SH3RF3: variants seen among roughly 807,000 people sequenced by gnomAD.
SH3RF3 encodes the protein SH3 domain containing ring finger 3, also known as E3 ubiquitin-protein ligase SH3RF3.
SH3RF3 carries 29 observed loss-of-function variants against 66.3 expected under a neutral mutation model. That is an observed-to-expected ratio of 0.44 (90% CI 0.33 to 0.60). The LOEUF is 0.60. Among genes scored for constraint, SH3RF3 ranks in the 20% least tolerant of loss-of-function variants. SH3RF3 has a pLI of 0.04. For missense variants in SH3RF3, 1,194 were observed against 1,190.9 expected (o/e 1.00, Z -0.04); for synonymous variants, 583 against 532.0 (o/e 1.10, Z -1.32).
chr2:109,449,942 A>G (rs1165684684), intron 8 of SH3RF3, among the ~76,000 whole-genome samples: 3 of 152,192 alleles, frequency 2.0e-5, no homozygotes, highest in Non-Finnish European at 4.4e-5. Flanking sequence ...GTTCAACCAT[A>G]TGGGACAGGC....
intron 4 of SH3RF3, among the ~76,000 whole-genome samples, chr2:109,418,426 C>T (rs1009116365): frequency 2.1e-4 from 32 of 152,128 alleles, no homozygotes; most frequent in African/African-American, 7.2e-4. Flanking sequence ...TTGGTTCCTC[C>T]TGAGGCTGAG....
At chr2:109,453,432 C>A (rs538643009) in intron 8 of SH3RF3, among the ~76,000 whole-genome samples, 2 of 152,180 alleles carry the variant, frequency 1.3e-5, no homozygotes, top group Admixed American at 1.3e-4. Context: ...TGTGTCCATC[C>A]GTGACAGTTT....
chr2:109,233,565 ACTGTT>A (rs1679569791), intron 1 of SH3RF3, among the ~76,000 whole-genome samples: 1 of 152,100 alleles, frequency 6.6e-6, no homozygotes. Context: ...AACAGGGATA[ACTGTT>A]CTCATTTAGG....
intron 6 of SH3RF3, among the ~76,000 whole-genome samples, chr2:109,435,348 G>A (rs529657714): frequency 6.6e-6 from 1 of 152,292 alleles, no homozygotes; most frequent in East Asian, 1.9e-4. Context: ...ATCCCTACTG[G>A]GTTCAGGACA....
chr2:109,132,014 C>T (rs1453192752), intron 1 of SH3RF3, among the ~76,000 whole-genome samples: 1 of 152,154 alleles, frequency 6.6e-6, no homozygotes, highest in East Asian at 1.9e-4. Context: ...CATTGAGCAA[C>T]CCTATACAGT....
At chr2:109,247,758 G>C (rs1331647617) in intron 1 of SH3RF3, among the ~76,000 whole-genome samples, 1 of 152,174 alleles carries the variant, frequency 6.6e-6, no homozygotes, top group Non-Finnish European at 1.5e-5. Context: ...CCAAAACTTA[G>C]AGGCTTAAAA....
chr2:109,284,680 T>C (rs577365275), intron 1 of SH3RF3, among the ~76,000 whole-genome samples: 1 of 152,292 alleles, frequency 6.6e-6, no homozygotes, highest in East Asian at 1.9e-4. Context: ...TTTAGTGATT[T>C]TTTTGAGACC....
chr2:109,149,845 A>G (rs1053321589), intron 1 of SH3RF3, among the ~76,000 whole-genome samples: 76 of 152,350 alleles, frequency 5.0e-4, no homozygotes, highest in African/African-American at 1.8e-3. Context: ...AATTAAGATT[A>G]AAATACCAGG....
intron 1 of SH3RF3, among the ~76,000 whole-genome samples, chr2:109,345,164 C>A (rs983121111): frequency 2.0e-5 from 3 of 152,198 alleles, no homozygotes; most frequent in African/African-American, 7.2e-5. Flanking sequence ...CTCAGTCTCT[C>A]TGGCTCTGCA....
At chr2:109,319,604 A>G (rs1429120574) in intron 1 of SH3RF3, among the ~76,000 whole-genome samples, 1 of 151,908 alleles carries the variant, frequency 6.6e-6, no homozygotes, top group Non-Finnish European at 1.5e-5. Context: ...AAAGCCCCAC[A>G]CTCCCCCATC....
chr2:109,250,234 C>G (rs144527598), intron 1 of SH3RF3, among the ~76,000 whole-genome samples: 6 of 152,118 alleles, frequency 3.9e-5, no homozygotes, highest in Non-Finnish European at 7.4e-5. Flanking sequence ...GGAAAGGCAA[C>G]TGAACCAAGT....
intron 1 of SH3RF3, among the ~76,000 whole-genome samples, chr2:109,257,879 C>T (rs1329070272): frequency 2.0e-5 from 3 of 152,144 alleles, no homozygotes; most frequent in African/African-American, 7.2e-5. Context: ...AGACAGAGCA[C>T]ACTGCTTCTC....
intron 7 of SH3RF3, among the ~76,000 whole-genome samples, chr2:109,439,890 G>C (rs1677512316): frequency 6.6e-6 from 1 of 152,190 alleles, no homozygotes; most frequent in Admixed American, 6.5e-5. Context: ...AAAGAGGCCT[G>C]CTTAGGTATT....
At chr2:109,371,983 G>T (rs538534080) in intron 3 of SH3RF3, among the ~76,000 whole-genome samples, 2 of 152,152 alleles carry the variant, frequency 1.3e-5, no homozygotes, top group Non-Finnish European at 2.9e-5. Flanking sequence ...GGACCCCTGC[G>T]CCTGGCACCC....
At chr2:109,198,618 G>C (rs745517934) in intron 1 of SH3RF3, among the ~76,000 whole-genome samples, 4 of 152,214 alleles carry the variant, frequency 2.6e-5, no homozygotes, top group Non-Finnish European at 4.4e-5. Context: ...TCCCAGTGAG[G>C]GCTGTCTCCC....
At chr2:109,479,262 C>T (rs1328847866) in intron 8 of SH3RF3, among the ~76,000 whole-genome samples, 3 of 152,128 alleles carry the variant, frequency 2.0e-5, no homozygotes, top group African/African-American at 7.2e-5. Context: ...GCCCAGCACA[C>T]AGGGTGGGGA....
chr2:109,281,385 G>C (rs1464096918), intron 1 of SH3RF3, among the ~76,000 whole-genome samples: 1 of 152,206 alleles, frequency 6.6e-6, no homozygotes, highest in Non-Finnish European at 1.5e-5. Context: ...GGAGAGGGAA[G>C]GACTAGCTCT....
At chr2:109,474,573 C>T (rs1678626184) in intron 8 of SH3RF3, among the ~76,000 whole-genome samples, 1 of 152,206 alleles carries the variant, frequency 6.6e-6, no homozygotes, top group Admixed American at 6.5e-5. Flanking sequence ...TAGCCATGGG[C>T]ACAGTGTCCC....
At chr2:109,271,654 A>G (rs1680628659) in intron 1 of SH3RF3, among the ~76,000 whole-genome samples, 2 of 152,190 alleles carry the variant, frequency 1.3e-5, no homozygotes, top group South Asian at 4.1e-4. Flanking sequence ...CAGAAGCCCC[A>G]TATCCAGATA....
Sources: gnomAD v4.1 joint callset for allele counts (sites outside exome capture counted in the v4.1 genomes callset) on GRCh38, gnomAD v4.1.1 for gene constraint, MANE v1.5 for transcripts, NCBI Gene and HGNC (gene_info 2026-07-23, HGNC 2026-07-21) for gene names.